CACNA1C: variants seen among roughly 807,000 people sequenced by gnomAD.
The protein encoded by CACNA1C is voltage-dependent L-type calcium channel subunit alpha-1C.
Under a neutral mutation model 229.0 loss-of-function variants are expected in CACNA1C, and 30 were observed. The ratio of observed to expected loss-of-function variants is 0.13; its 90% CI spans 0.10 to 0.18. The LOEUF is 0.18. Among genes scored for constraint, CACNA1C ranks in the 10% least tolerant of loss-of-function variants. The pLI is 1.00. For missense variants in CACNA1C, 1,658 were observed against 2,845.0 expected (o/e 0.58, Z 9.49); for synonymous variants, 1,114 against 1,132.5 (o/e 0.98, Z 0.33).
chr12:2,073,678 T>C (rs1418354133), intron 1 of CACNA1C, among the ~76,000 whole-genome samples: 1 of 152,268 alleles, frequency 6.6e-6, no homozygotes, highest in Non-Finnish European at 1.5e-5. Context: ...CCCTCTGAAG[T>C]ATTTGCATGT....
intron 3 of CACNA1C, among the ~76,000 whole-genome samples, chr12:2,442,765 G>A (rs142097106): frequency 1.4e-4 from 22 of 152,336 alleles, no homozygotes; most frequent in Admixed American, 5.9e-4. Flanking sequence ...GGGGGAGCAG[G>A]CACATCACAT....
chr12:2,495,742 C>T (rs1467545795), intron 7 of CACNA1C, among the ~76,000 whole-genome samples: 1 of 152,182 alleles, frequency 6.6e-6, no homozygotes, highest in Non-Finnish European at 1.5e-5. Context: ...GGACATGCCT[C>T]TCTCTGATTT....
At chr12:2,470,858 G>A (rs942105545) in intron 5 of CACNA1C, among the ~76,000 whole-genome samples, 1 of 150,386 alleles carries the variant, frequency 6.6e-6, no homozygotes, top group Non-Finnish European at 1.5e-5. Flanking sequence ...TTTTTTTTGA[G>A]ACCGAGTCTC....
chr12:2,293,835 C>T (rs574515117), intron 3 of CACNA1C, among the ~76,000 whole-genome samples: 8 of 152,300 alleles, frequency 5.3e-5, no homozygotes, highest in African/African-American at 1.9e-4. Flanking sequence ...ATATAGTAGA[C>T]AATAAGTGTT....
intron 1 of CACNA1C, among the ~76,000 whole-genome samples, chr12:2,036,029 G>T (rs1327074750): frequency 6.6e-6 from 1 of 152,208 alleles, no homozygotes; most frequent in African/African-American, 2.4e-5. Context: ...CTTCTTTGGG[G>T]TTTATTTTCT....
chr12:2,235,195 G>A (rs902080653), intron 3 of CACNA1C, among the ~76,000 whole-genome samples: 1 of 152,184 alleles, frequency 6.6e-6, no homozygotes, highest in Admixed American at 6.5e-5. Context: ...ACTGTCTGTG[G>A]TACAGGGGGG....
chr12:2,291,413 C>G (rs2093489913), intron 3 of CACNA1C, among the ~76,000 whole-genome samples: 1 of 152,222 alleles, frequency 6.6e-6, no homozygotes, highest in Non-Finnish European at 1.5e-5. Context: ...ACTACACACT[C>G]TCTTTCTCGA....
chr12:2,687,006 C>T (rs1348693953), intron 45 of CACNA1C, among the ~76,000 whole-genome samples: 4 of 152,214 alleles, frequency 2.6e-5, no homozygotes, highest in African/African-American at 9.7e-5. Flanking sequence ...TACCCAAAGG[C>T]ATTCAACTGC....
intron 3 of CACNA1C, among the ~76,000 whole-genome samples, chr12:2,365,355 A>G (rs2097694821): frequency 6.6e-6 from 1 of 152,246 alleles, no homozygotes; most frequent in African/African-American, 2.4e-5. Context: ...TAGGTCTACT[A>G]GGTTTAGATC....
At chr12:2,027,898 AGCAGCT>A (rs2047597615) in intron 1 of CACNA1C, among the ~76,000 whole-genome samples, 1 of 152,236 alleles carries the variant, frequency 6.6e-6, no homozygotes, top group South Asian at 2.1e-4. Context: ...TTGAGAATTG[AGCAGCT>A]TGTCTCCCAA....
intron 3 of CACNA1C, among the ~76,000 whole-genome samples, chr12:2,306,653 T>C (rs1050107300): frequency 6.6e-6 from 1 of 152,204 alleles, no homozygotes. Flanking sequence ...ATATCCCAAA[T>C]TGACTTTCAA....
At chr12:2,113,394 AG>A (rs2082529999) in intron 1 of CACNA1C, among the ~76,000 whole-genome samples, 1 of 152,152 alleles carries the variant, frequency 6.6e-6, no homozygotes, top group Non-Finnish European at 1.5e-5. Context: ...GATCAGCCCA[AG>A]ATAAGAGTTG....
chr12:2,448,640 A>G lies in CACNA1C; in HGVS notation c.478-336A>G, dbSNP rs937057623. Among the ~76,000 whole-genome samples the G allele has an allele frequency of 5.3e-5, 8 of 152,126 alleles. No individual in the cohort carries two copies. The South Asian group carries it at 6.2e-4, about 12-fold the overall frequency. On this transcript the variant is annotated intron_variant, in intron 3 of 46. Coordinates refer to ENST00000399655, the MANE Select transcript of CACNA1C (RefSeq NM_000719.7). ...TTGTTTCCCTTTAGATGGAGACACT[A>G]TGAATTCTCTTCTGGGAGAGCACAA...
chr12:2,163,867 C>T (rs570075387), intron 3 of CACNA1C, among the ~76,000 whole-genome samples: 4 of 152,310 alleles, frequency 2.6e-5, no homozygotes, highest in East Asian at 1.9e-4. Flanking sequence ...CACCTGCATC[C>T]GAGGCTGGCT....
intron 5 of CACNA1C, among the ~76,000 whole-genome samples, chr12:2,468,862 G>A (rs2099574733): frequency 6.6e-6 from 1 of 152,230 alleles, no homozygotes; most frequent in African/African-American, 2.4e-5. Flanking sequence ...CAAAATGGGA[G>A]GGTACAACTG....
At chr12:2,412,480 G>A (rs1284494293) in intron 3 of CACNA1C, among the ~76,000 whole-genome samples, 1 of 152,226 alleles carries the variant, frequency 6.6e-6, no homozygotes, top group Non-Finnish European at 1.5e-5. Context: ...AGCTCCAGGA[G>A]CCCAGCAGTG....
chr12:2,258,537 T>C (rs2078859642), intron 3 of CACNA1C, among the ~76,000 whole-genome samples: 2 of 152,226 alleles, frequency 1.3e-5, no homozygotes, highest in African/African-American at 4.8e-5. Context: ...TATCTTCATC[T>C]TGCATATGTA....
chr12:2,677,969 C>G lies in CACNA1C; in HGVS notation c.5091+102C>G. The G allele has an allele frequency of 1.5e-6, 2 of 1,379,132 alleles. No individual in the cohort carries two copies. The highest frequency in any genetic ancestry group is 2.5e-5 in the South Asian group (2 of 79,032). 85.4% of individuals were successfully genotyped at this position (1,379,132 alleles called of 1,614,324 possible). A position where few individuals can be genotyped will look rare whatever the true frequency, so the allele number is the denominator to read the frequency against. ...GGAACGTCCAGGGGAAGGAGCTGCA[C>G]CAGAGGAAAGGGCTACTTCCAGGCT... On this transcript the variant is annotated intron_variant, in intron 41 of 46. Coordinates refer to ENST00000399655, the MANE Select transcript of CACNA1C (RefSeq NM_000719.7). The surrounding 1 kb of genome is among the most constrained non-coding windows in gnomAD (Gnocchi z 7.4).
intron 1 of CACNA1C, among the ~76,000 whole-genome samples, chr12:2,013,158 A>G (rs1367756884): frequency 6.6e-6 from 1 of 152,192 alleles, no homozygotes; most frequent in African/African-American, 2.4e-5. Flanking sequence ...AAACTTGGGG[A>G]GACTCTAAAG....
Sources: gnomAD v4.1 joint callset for allele counts (sites outside exome capture counted in the v4.1 genomes callset) on GRCh38, gnomAD v4.1.1 for gene constraint, Gnocchi (gnomAD v3.1) non-coding constraint, MANE v1.5 for transcripts, NCBI Gene and HGNC (gene_info 2026-07-23, HGNC 2026-07-21) for gene names.